Variants in MAP3K5 observed in about 807,000 individuals in gnomAD.
MAP3K5 encodes mitogen-activated protein kinase kinase kinase 5.
A neutral mutation model predicts 158.7 loss-of-function variants in MAP3K5; 56 were observed. That is an observed-to-expected ratio of 0.35 (90% confidence interval 0.28 to 0.44). The LOEUF is 0.44. MAP3K5 is among the 20% of genes least tolerant of loss of function. The probability of loss-of-function intolerance (pLI) is 1.00; values close to 1 mark genes in which losing one functional copy is unlikely to be tolerated. For missense variants in MAP3K5, 1,294 were observed against 1,674.8 expected (o/e 0.77, Z 3.97); for synonymous variants, 579 against 601.7 (o/e 0.96, Z 0.55).
chr6:136,593,605 A>C (rs1376713000), intron 21 of MAP3K5: 1 of 345,040 alleles, frequency 2.9e-6, no homozygotes, highest in Non-Finnish European at 5.7e-6. Context: ...GAAAAACACA[A>C]AAAGCTCCCA....
intron 23 of MAP3K5, among the ~76,000 whole-genome samples, chr6:136,585,505 ATTTATTTATTTT>A (rs1172662136): frequency 8.9e-6 from 1 of 112,416 alleles, no homozygotes; most frequent in Non-Finnish European, 1.9e-5. Flanking sequence ...TTATTTATTT[ATTTATTTATTTT>A]TTGACAAAGT....
chr6:136,791,669 G>A, intron 1 of MAP3K5, 41 bp downstream of exon 1: 2 of 1,598,988 alleles, frequency 1.3e-6, no homozygotes, highest in Non-Finnish European at 1.7e-6. Flanking sequence ...ATTAAACGCG[G>A]GTCCCGACCG....
chr6:136,725,578 T>C (rs1203839261), intron 1 of MAP3K5, among the ~76,000 whole-genome samples: 4 of 152,242 alleles, frequency 2.6e-5, no homozygotes, highest in East Asian at 3.8e-4. Flanking sequence ...GAGGTTTGAA[T>C]GTTCTTTATA....
At chr6:136,621,610 G>A (rs1200158827) in intron 15 of MAP3K5, among the ~76,000 whole-genome samples, 5 of 152,156 alleles carry the variant, frequency 3.3e-5, no homozygotes, top group African/African-American at 1.2e-4. Flanking sequence ...CTTTTAGTGA[G>A]CCAGTGCCCC....
At chr6:136,571,688 A>G (rs1774375490) in intron 25 of MAP3K5, among the ~76,000 whole-genome samples, 1 of 152,196 alleles carries the variant, frequency 6.6e-6, no homozygotes, top group East Asian at 1.9e-4. Flanking sequence ...CCTCTTGGCA[A>G]TTGTAACTAG....
chr6:136,716,670 C>T (rs1781543411), intron 2 of MAP3K5, among the ~76,000 whole-genome samples: 1 of 152,134 alleles, frequency 6.6e-6, no homozygotes, highest in South Asian at 2.1e-4. Flanking sequence ...TGAGAGACCC[C>T]AAGTGGAAGT....
intron 2 of MAP3K5, among the ~76,000 whole-genome samples, chr6:136,712,683 C>A (rs777205096): frequency 2.2e-4 from 34 of 152,150 alleles, no homozygotes; most frequent in Non-Finnish European, 3.8e-4. Context: ...TTGGCTGTGT[C>A]CCCACCCAAA....
At chr6:136,725,521 G>A (rs144857815) in intron 1 of MAP3K5, among the ~76,000 whole-genome samples, 1 of 152,264 alleles carries the variant, frequency 6.6e-6, no homozygotes, top group Admixed American at 6.5e-5. Flanking sequence ...AGTACTCAAT[G>A]CTTTTGCCCA....
intron 25 of MAP3K5, among the ~76,000 whole-genome samples, chr6:136,573,213 A>C (rs1774449798): frequency 2.0e-5 from 3 of 152,200 alleles, no homozygotes; most frequent in Admixed American, 1.3e-4. Flanking sequence ...AATAGAACAA[A>C]AAGATGGAGA....
At chr6:136,616,297 CCTCT>C (rs1297595614) in intron 15 of MAP3K5, among the ~76,000 whole-genome samples, 1 of 147,792 alleles carries the variant, frequency 6.8e-6, no homozygotes, top group Admixed American at 6.8e-5. Flanking sequence ...CATACCTGCT[CCTCT>C]TTTTTTTTTT....
intron 1 of MAP3K5, among the ~76,000 whole-genome samples, chr6:136,776,020 C>A (rs1784389997): frequency 6.6e-6 from 1 of 152,162 alleles, no homozygotes; most frequent in Admixed American, 6.5e-5. Flanking sequence ...GTTAATAAAA[C>A]CTACACTAAG....
intron 1 of MAP3K5, among the ~76,000 whole-genome samples, chr6:136,722,294 C>T (rs1424652812): frequency 6.6e-6 from 1 of 152,016 alleles, no homozygotes; most frequent in Non-Finnish European, 1.5e-5. Context: ...TTCATAATTA[C>T]AATGAAAATG....
chr6:136,701,580 A>T (rs111942015), intron 3 of MAP3K5, among the ~76,000 whole-genome samples: 1 of 152,234 alleles, frequency 6.6e-6, no homozygotes, highest in African/African-American at 2.4e-5. Context: ...CCCACAGCAC[A>T]TCCGCCCAAT....
chr6:136,627,821 C>T (rs968135649), intron 14 of MAP3K5, among the ~76,000 whole-genome samples: 1 of 152,198 alleles, frequency 6.6e-6, no homozygotes, highest in African/African-American at 2.4e-5. Context: ...TTTGTTATAG[C>T]GGCCTGGATG....
In MAP3K5 at chr6:136,613,475, A is replaced by G. The variant is rs533159390; in HGVS notation, c.2279-219T>C. Among the ~76,000 whole-genome samples the G allele has an allele frequency of 9.2e-5, 14 of 152,246 alleles. No homozygotes were observed. The highest frequency in any genetic ancestry group is 3.4e-4 in the African/African-American group (14 of 41,456). ...AAGTAAAAGGCCAATGTCAATTGCCAACTTTAATTCAAGTCATGATGATAG... is the reference window on the plus strand; with the variant it reads ...AAGTAAAAGGCCAATGTCAATTGCCGACTTTAATTCAAGTCATGATGATAG... On this transcript the variant is annotated intron_variant, in intron 16 of 29. Transcript: ENST00000359015. The surrounding 1 kb of genome is among the most constrained non-coding windows in gnomAD (Gnocchi z 4.0).
rs1458672951 is a variant in MAP3K5 at position 136,782,282 on chromosome 6, AAT to A, written c.448+9426_448+9427del. On this transcript the variant is annotated intron_variant, in intron 1 of 29. Transcript: ENST00000359015. ...GAGAGAGAGTGACACCCCATCTCAA[AAT>A]AAAAAAAAAAAAAAAAGACAAGAAA... is the stretch of plus-strand genomic sequence containing the variant. Among the ~76,000 whole-genome samples, 229 of 150,698 alleles carry A rather than the reference AAT, an allele frequency of 1.5e-3. 3 individuals are homozygous for A. Among genetic ancestry groups the A allele is most frequent in the African/African-American group, 5.5e-3 (223 of 40,836 alleles).
intron 1 of MAP3K5, among the ~76,000 whole-genome samples, chr6:136,777,605 A>T (rs1784449271): frequency 6.6e-6 from 1 of 152,240 alleles, no homozygotes; most frequent in Non-Finnish European, 1.5e-5. Context: ...AATGTTACAT[A>T]AATGTTTAAA....
intron 7 of MAP3K5, among the ~76,000 whole-genome samples, chr6:136,686,724 A>T (rs1378736241): frequency 1.3e-5 from 2 of 152,214 alleles, no homozygotes; most frequent in Non-Finnish European, 2.9e-5. Context: ...AAGGGATGTG[A>T]AGGACCTCTT....
intron 21 of MAP3K5, among the ~76,000 whole-genome samples, chr6:136,599,838 G>A (rs1775797924): frequency 6.6e-6 from 1 of 152,160 alleles, no homozygotes; most frequent in Admixed American, 6.5e-5. Context: ...GAAGCAGGCT[G>A]GTCAGAAGGT....
Sources: allele counts gnomAD v4.1 joint callset (sites outside exome capture counted in the v4.1 genomes callset), GRCh38; gene constraint gnomAD v4.1.1; non-coding constraint Gnocchi (gnomAD v3.1); transcripts MANE v1.5; gene names NCBI Gene and HGNC (gene_info 2026-07-23, HGNC 2026-07-21).